Variants in SGTB observed in about 807,000 individuals in gnomAD.
SGTB encodes the protein small glutamine-rich tetratricopeptide repeat-containing protein beta.
A neutral mutation model predicts 43.9 loss-of-function variants in SGTB; 19 were observed. The observed-to-expected ratio is 0.43, with a 90% confidence interval of 0.30 to 0.63. The LOEUF is 0.63. SGTB is among the 30% of genes least tolerant of loss of function. SGTB has a pLI of 0.12. For missense variants in SGTB, 304 were observed against 358.9 expected (o/e 0.85, Z 1.24); for synonymous variants, 116 against 117.3 (o/e 0.99, Z 0.07).
chr5:65,667,271 C>T lies in SGTB; in HGVS notation c.*2975G>A, dbSNP rs1757057908. On this transcript the variant is annotated 3_prime_UTR_variant, in exon 11 of 11. Coordinates refer to ENST00000381007, the MANE Select transcript of SGTB (RefSeq NM_019072.3). The stretch of plus-strand genomic sequence containing the variant: ...AGTGTATTCCCTTTCATTTCTGACA[C>T]TGAATTTGTATCTTCTGTTTTTCTA... 6.6e-6 allele frequency: 1 copy of T among 152,142 alleles called. No homozygotes were observed. Among genetic ancestry groups the T allele is most frequent in the Admixed American group, 6.5e-5 (1 of 15,274 alleles). 9.4% of individuals were successfully genotyped at this position (152,142 alleles called of 1,614,324 possible). A position where few individuals can be genotyped will look rare whatever the true frequency, so the allele number is the denominator to read the frequency against.
chr5:65,670,336 C>G lies in SGTB; in HGVS notation c.825G>C (p.Gln275His). 6.2e-7 allele frequency: 1 copy of G among 1,614,134 alleles called. No homozygotes were observed. Among genetic ancestry groups the G allele is most frequent in the Non-Finnish European group, 8.5e-7 (1 of 1,179,990 alleles). The change falls in exon 11 of 11, where the codon CAG becomes CAC. Residue 275 changes from glutamine (Q) to histidine (H), a missense_variant. By Grantham distance (24) the Gln-to-His change is conservative. Transcript: ENST00000381007. The stretch of plus-strand genomic sequence containing the variant: ...TAAGTTCAGGATTTTGTTGCTGTAT[C>G]TGCTGAGCAAACTGCTGTCCCCTGT... ...LIQAGQQFAQ[Q>H]IQQQNPELIE...
intron 5 of SGTB, among the ~76,000 whole-genome samples, chr5:65,694,557 C>A (rs1393438668): frequency 6.6e-6 from 1 of 152,106 alleles, no homozygotes; most frequent in African/African-American, 2.4e-5. Flanking sequence ...CTCACTGCAA[C>A]CTCCGCCTCC....
At chr5:65,697,066 AGCT>A (rs1399904377) in intron 5 of SGTB, among the ~76,000 whole-genome samples, 2 of 152,214 alleles carry the variant, frequency 1.3e-5, no homozygotes, top group African/African-American at 4.8e-5. Flanking sequence ...CTTGGCAGCC[AGCT>A]GGCAAAGAAA....
At chr5:65,720,385 G>GGGA (rs1758240931) in intron 2 of SGTB, among the ~76,000 whole-genome samples, 2 of 151,916 alleles carry the variant, frequency 1.3e-5, no homozygotes, top group Non-Finnish European at 2.9e-5. Flanking sequence ...CCTGGCCCTG[G>GGGA]TTTTATTTTC....
At chr5:65,687,334 G>C (rs1248286815) in intron 5 of SGTB, among the ~76,000 whole-genome samples, 2 of 152,290 alleles carry the variant, frequency 1.3e-5, no homozygotes, top group Admixed American at 1.3e-4. Context: ...CAACCTTCCA[G>C]ACAAGTACAG....
At chr5:65,683,408 G>C (rs1757436557) in intron 6 of SGTB, among the ~76,000 whole-genome samples, 1 of 152,158 alleles carries the variant, frequency 6.6e-6, no homozygotes, top group Non-Finnish European at 1.5e-5. Flanking sequence ...AATTTAGCAA[G>C]TAGGCAAATT....
At chr5:65,709,619 C>T (rs1022807337) in intron 3 of SGTB, among the ~76,000 whole-genome samples, 3 of 152,162 alleles carry the variant, frequency 2.0e-5, no homozygotes, top group Non-Finnish European at 4.4e-5. Context: ...CCTCGTGATC[C>T]ACCCGCCTCG....
At chr5:65,722,146 G>GGCTGGGGCGGGGCCAGACACGCGA (rs1158242071), upstream of SGTB, 5 of 212,362 alleles carry the variant, frequency 2.4e-5, no homozygotes, top group Non-Finnish European at 3.7e-5. Flanking sequence ...CGGACGCGAG[G>GGCTGGGGCGGGGCCAGACACGCGA]GCTGGGGCGG....
chr5:65,699,075 T>G (rs1757764500), intron 5 of SGTB, among the ~76,000 whole-genome samples: 1 of 152,196 alleles, frequency 6.6e-6, no homozygotes, highest in Non-Finnish European at 1.5e-5. Flanking sequence ...AAAAGACACC[T>G]GCACACATGT....
chr5:65,706,987 G>A (rs1368137412), intron 4 of SGTB, among the ~76,000 whole-genome samples: 1 of 152,090 alleles, frequency 6.6e-6, no homozygotes, highest in Admixed American at 6.6e-5. Context: ...TAGGCCAGGC[G>A]TGGTGGCTCA....
chr5:65,670,502 CAA>C, intron 10 of SGTB, 145 bp from the exon 11 acceptor site: 1 of 612,924 alleles, frequency 1.6e-6, no homozygotes, highest in Non-Finnish European at 2.9e-6. Flanking sequence ...TTAGAATCTA[CAA>C]GTTTACCAAT....
intron 3 of SGTB, among the ~76,000 whole-genome samples, chr5:65,708,832 G>A (rs1354464328): frequency 6.6e-6 from 1 of 152,166 alleles, no homozygotes; most frequent in East Asian, 1.9e-4. Context: ...CTTGAGCTCA[G>A]GAGTTCGAGA....
At chr5:65,689,267 A>C (rs1260244744) in intron 5 of SGTB, among the ~76,000 whole-genome samples, 2 of 152,236 alleles carry the variant, frequency 1.3e-5, no homozygotes, top group African/African-American at 4.8e-5. Flanking sequence ...GTGTACCTAA[A>C]TCTGGCTGTA....
upstream of SGTB, chr5:65,722,314 G>C: frequency 7.0e-7 from 1 of 1,433,324 alleles, no homozygotes; most frequent in South Asian, 1.3e-5. Context: ...GCTGCCGCCC[G>C]CCTCGCCGCC....
At chr5:65,681,101 G>C (rs1757387523) in intron 6 of SGTB, among the ~76,000 whole-genome samples, 1 of 152,066 alleles carries the variant, frequency 6.6e-6, no homozygotes, top group African/African-American at 2.4e-5. Flanking sequence ...CTTTATAAAT[G>C]CCTAGACTAA....
chr5:65,669,055 C>T lies in SGTB; in HGVS notation c.*1191G>A, dbSNP rs1250631754. ...AACTCTCATCATCAATGTAGTTAGA[C>T]CCATGCAATTAATACCTAATGCCCC... is the stretch of plus-strand genomic sequence containing the variant. On this transcript the variant is annotated 3_prime_UTR_variant, in exon 11 of 11. Coordinates refer to ENST00000381007, the MANE Select transcript of SGTB (RefSeq NM_019072.3). The T allele has an allele frequency of 6.6e-6, 1 of 152,100 alleles. No individual in the cohort carries two copies. Among genetic ancestry groups the T allele is most frequent in the Non-Finnish European group, 1.5e-5 (1 of 68,032 alleles). 9.4% of individuals were successfully genotyped at this position (152,100 alleles called of 1,614,324 possible).
At chr5:65,722,530 C>A, upstream of SGTB, 1 of 942,188 alleles carries the variant, frequency 1.1e-6, no homozygotes, top group Non-Finnish European at 1.6e-6. Context: ...GCTCCCGGGA[C>A]GCACCCTCCC....
At position 65,722,030 on chromosome 5, in the gene SGTB, G is replaced by A. The variant is rs184280823; in HGVS notation, c.-136C>T. On this transcript the variant is annotated 5_prime_UTR_variant, in exon 1 of 11. Coordinates refer to ENST00000381007, the MANE Select transcript of SGTB (RefSeq NM_019072.3). ...GGCTCGGGATCGCAGCACTGGTCGC[G>A]GCGGCGCAAACTTCCCCGGCCCCTA... 39 of 155,414 alleles carry A rather than the reference G, an allele frequency of 2.5e-4. 1 individual carries two copies. The East Asian group carries it at 7.2e-3, about 29-fold the overall frequency. The allele number at this position is 155,414 out of a possible 1,614,324, so 9.6% of individuals were successfully genotyped here.
chr5:65,722,326 C>T, upstream of SGTB: 2 of 1,498,288 alleles, frequency 1.3e-6, no homozygotes, highest in South Asian at 1.2e-5. Flanking sequence ...CTCGCCGCCC[C>T]ACGCCGAAGG....
Sources: allele counts gnomAD v4.1 joint callset (sites outside exome capture counted in the v4.1 genomes callset), GRCh38; gene constraint gnomAD v4.1.1; transcripts MANE v1.5; gene names NCBI Gene and HGNC (gene_info 2026-07-23, HGNC 2026-07-21).